Variants in PKHD1L1 observed in about 807,000 individuals in gnomAD.
PKHD1L1 encodes the protein PKHD1 like 1, also known as fibrocystin-L.
Under a neutral mutation model 462.9 loss-of-function variants are expected in PKHD1L1, and 434 were observed. The observed-to-expected ratio is 0.94, with a 90% CI of 0.87 to 1.02. The LOEUF (loss-of-function observed/expected upper bound fraction) is 1.02. Among genes scored for constraint, PKHD1L1 ranks in the 50% least tolerant of loss-of-function variants. The pLI is 0.00. For synonymous variants in PKHD1L1, 1,781 were observed against 1,750.0 expected, an observed-to-expected ratio of 1.02 and a Z score of -0.44; for missense variants, 5,202 against 5,096.1, an observed-to-expected ratio of 1.02 and a Z score of -0.63.
chr8:109,499,165 G>T, intron 67 of PKHD1L1: 1 of 166,020 alleles, frequency 6.0e-6, no homozygotes, highest in Non-Finnish European at 1.3e-5. Flanking sequence ...GGCACAGCTA[G>T]GATTAGAATC....
chr8:109,529,921 A>G (rs1056151908), intron 77 of PKHD1L1, among the ~76,000 whole-genome samples, 159 bp from the exon 78 acceptor site: 3 of 152,140 alleles, frequency 2.0e-5, no homozygotes, highest in African/African-American at 7.2e-5. Flanking sequence ...AGTTTCTACA[A>G]AAAAACCATT....
intron 2 of PKHD1L1, among the ~76,000 whole-genome samples, chr8:109,376,632 G>A (rs114049632): frequency 0.013 from 2,045 of 152,224 alleles, 41 homozygotes; most frequent in African/African-American, 0.039. Flanking sequence ...CTATTAGGCC[G>A]TCTTGACTCC....
At chr8:109,487,890 G>GAGGAAGGAAGGA (rs10661778) in intron 59 of PKHD1L1, among the ~76,000 whole-genome samples, 11,644 of 69,086 alleles carry the variant, frequency 0.17, 1,409 homozygotes, top group Non-Finnish European at 0.2. Context: ...GAGAGAGAGA[G>GAGGAAGGAAGGA]AGGAAGGAAG....
chr8:109,452,964 A>ATAGT, intron 43 of PKHD1L1, 90 bp downstream of exon 43: 1 of 1,113,312 alleles, frequency 9.0e-7, no homozygotes, highest in Non-Finnish European at 1.2e-6. Context: ...ATGAACAAAC[A>ATAGT]TAGTTGCACT....
chr8:109,458,233 T>G (rs16879609), intron 46 of PKHD1L1, among the ~76,000 whole-genome samples: 3 of 152,154 alleles, frequency 2.0e-5, no homozygotes, highest in African/African-American at 7.2e-5. Context: ...CATTCATTAT[T>G]TCCTTTGTAT....
rs939757362 is a variant in PKHD1L1 at position 109,535,046 on chromosome 8, G to C, written c.*4956G>C. On this transcript the variant is annotated 3_prime_UTR_variant, in exon 78 of 78. Coordinates refer to ENST00000378402, the MANE Select transcript of PKHD1L1 (RefSeq NM_177531.6). ...AGCATGATGAAACTTTTCCTATCCT[G>C]CTTTTTGAGATTAAGAAATCTTTTA... 3.9e-5 allele frequency among the ~76,000 whole-genome samples: 6 copies of C among 151,974 alleles called. No homozygotes were observed. Among genetic ancestry groups the C allele is most frequent in the African/African-American group, 1.5e-4 (6 of 41,354 alleles).
chr8:109,364,445 A>T, intron 1 of PKHD1L1, 102 bp from the exon 2 acceptor site: 1 of 816,326 alleles, frequency 1.2e-6, no homozygotes, highest in Non-Finnish European at 2.0e-6. Flanking sequence ...TGTAAACTTC[A>T]TAATGTTTTC....
chr8:109,368,804 T>C (rs1811351833), intron 2 of PKHD1L1, among the ~76,000 whole-genome samples: 1 of 152,184 alleles, frequency 6.6e-6, no homozygotes, highest in Non-Finnish European at 1.5e-5. Context: ...TGCCTGGCAA[T>C]TCCTGTCTCC....
rs1400514982 is a variant in PKHD1L1, at chr8:109,443,825, A to G, written c.4714A>G (p.Thr1572Ala). The G allele has an allele frequency of 6.2e-7, 1 of 1,613,688 alleles. No homozygotes were observed. Among genetic ancestry groups the G allele is most frequent in the Non-Finnish European group, 8.5e-7 (1 of 1,179,780 alleles). Residue 1572 changes from threonine to alanine, a missense_variant, in exon 37 of 78, where the codon ACT becomes GCT. By Grantham distance (58) the Thr-to-Ala change is moderately conservative. Transcript: ENST00000378402. The part of the protein sequence containing the change: ...SCFSPSISNI[T>A]PSTGTVNELI... ...TTTTTCACCATCTATAAGCAACATT[A>G]CTCCGTCCACTGGAACAGTAAATGA...
rs1277002890 is a variant in PKHD1L1 at position 109,531,872 on chromosome 8, A to G, written c.*1782A>G. Among the ~76,000 whole-genome samples the G allele has an allele frequency of 1.3e-5, 2 of 152,180 alleles. No homozygotes were observed. The highest frequency in any genetic ancestry group is 2.4e-5 in the African/African-American group (1 of 41,456). The stretch of plus-strand genomic sequence containing the variant: ...CTGTTCCTGGGATAGGGAGGGGGAA[A>G]GAGACCCAACATGGGCCATTTCACG... On this transcript the variant is annotated 3_prime_UTR_variant, in exon 78 of 78. Transcript: ENST00000378402.
At chr8:109,398,422 T>C (rs777139574) in intron 11 of PKHD1L1, 37 bp from the exon 12 acceptor site, 1 of 1,262,720 alleles carries the variant, frequency 7.9e-7, no homozygotes, top group South Asian at 1.3e-5. Context: ...ATTCTGAAGT[T>C]TCAGTAGTAA....
Position 109,535,827 on chromosome 8 carries a change from A to G in PKHD1L1, c.*5737A>G, listed in dbSNP as rs760204321. Among the ~76,000 whole-genome samples, 8 of 152,220 alleles carry G rather than the reference A, an allele frequency of 5.3e-5. No homozygotes were observed. The highest frequency in any genetic ancestry group is 1.0e-4 in the Non-Finnish European group (7 of 68,032). ...ATGTGCTGAAATGATGGACACTGAG[A>G]AGAAAGAATAGACAAAACTTGGCAA... On this transcript the variant is annotated 3_prime_UTR_variant, in exon 78 of 78. Transcript: ENST00000378402.
At chr8:109,523,553 G>T (rs1024708935) in intron 76 of PKHD1L1, among the ~76,000 whole-genome samples, 167 bp downstream of exon 76, 11 of 152,000 alleles carry the variant, frequency 7.2e-5, no homozygotes, top group Non-Finnish European at 1.5e-4. Context: ...CTTAAGAATA[G>T]ATTTCATATG....
chr8:109,412,310 T>C lies in PKHD1L1; in HGVS notation c.2131T>C (p.Cys711Arg), dbSNP rs755330460. Reference sequence around the variant, plus strand: ...GAAGACAGCTGAAACCGATGCTTACTGTGGTCGTTATTCCCTGAAAAACCC... The same window carrying C: ...GAAGACAGCTGAAACCGATGCTTACCGTGGTCGTTATTCCCTGAAAAACCC... ...GQKTAETDAY[C>R]GRYSLKNPAV... The change falls in exon 20 of 78, where the codon TGT becomes CGT. Residue 711 changes from cysteine (C) to arginine (R), a missense_variant. Transcript: ENST00000378402. The C allele has an allele frequency of 1.2e-6, 2 of 1,613,856 alleles. No homozygotes were observed. Among genetic ancestry groups the C allele is most frequent in the Admixed American group, 1.7e-5 (1 of 60,008 alleles).
Position 109,390,452 on chromosome 8 carries a change from G to A in PKHD1L1, c.698G>A (p.Gly233Asp). 1.4e-6 allele frequency: 2 copies of A among 1,436,590 alleles called. No individual in the cohort carries two copies. Among genetic ancestry groups the A allele is most frequent in the Non-Finnish European group, 1.9e-6 (2 of 1,069,274 alleles). 89.0% of individuals were successfully genotyped at this position (1,436,590 alleles called of 1,614,324 possible). Residue 233 changes from glycine (G) to aspartate (D), a missense_variant and splice_region_variant, in exon 9 of 78, where the codon GGT (glycine) becomes GAT (aspartate). Physicochemically the swap from Gly to Asp is moderately conservative, Grantham distance 94. This residue lies in a region of PKHD1L1 where 4,497 missense variants were observed against 4,336.8 expected (regional missense o/e 1.04). Transcript: ENST00000378402. The part of the protein sequence containing the change: ...MVCKTTGTFI[G>D]HHNVSFILDN... Reference sequence around the variant, plus strand: ...ATTGTGTATTTTCATTAAATTCCAGGTCATCACAATGTCAGCTTCATCTTA... The same window carrying A: ...ATTGTGTATTTTCATTAAATTCCAGATCATCACAATGTCAGCTTCATCTTA...
At chr8:109,472,204 T>C (rs2130858323) in intron 50 of PKHD1L1, among the ~76,000 whole-genome samples, 1 of 152,250 alleles carries the variant, frequency 6.6e-6, no homozygotes, top group African/African-American at 2.4e-5. Flanking sequence ...TTTTACTGAA[T>C]GATCTATCCC....
Position 109,532,228 on chromosome 8 carries a change from T to C in PKHD1L1, c.*2138T>C, listed in dbSNP as rs1043025653. 1.2e-5 allele frequency among the ~76,000 whole-genome samples: 1 copy of C among 81,184 alleles called. No individual in the cohort carries two copies. The highest frequency in any genetic ancestry group is 3.1e-5 in the Non-Finnish European group (1 of 32,234). The allele number at this position is 81,184 out of a possible 152,430, so 53.3% of individuals were successfully genotyped here. A position where few individuals can be genotyped will look rare whatever the true frequency, so the allele number is the denominator to read the frequency against. ...GGCAGTAAAAGGAATTTCTAAAAAT[T>C]GCTTCTTAGCCACACAGACTTTGTT... is the stretch of plus-strand genomic sequence containing the variant. On this transcript the variant is annotated 3_prime_UTR_variant, in exon 78 of 78. Transcript: ENST00000378402.
intron 39 of PKHD1L1, 77 bp downstream of exon 39, chr8:109,448,468 A>G (rs986182248): frequency 3.0e-5 from 41 of 1,375,352 alleles, no homozygotes; most frequent in Non-Finnish European, 3.6e-5. Flanking sequence ...TTAGAAAATA[A>G]TATGTTACTC....
chr8:109,441,506 G>A, intron 34 of PKHD1L1, 127 bp downstream of exon 34: 2 of 658,008 alleles, frequency 3.0e-6, no homozygotes, highest in Non-Finnish European at 5.0e-6. Flanking sequence ...TAATTTGTCA[G>A]CAGTAACTGC....
Sources: allele counts gnomAD v4.1 joint callset (sites outside exome capture counted in the v4.1 genomes callset), GRCh38; gene constraint gnomAD v4.1.1; regional missense constraint gnomAD v4.1.1; transcripts MANE v1.5; gene names NCBI Gene and HGNC (gene_info 2026-07-23, HGNC 2026-07-21).